The following CDK17 variants were observed in gnomAD, a reference collection of about 807,000 sequenced individuals.
CDK17 encodes cyclin dependent kinase 17.
A neutral mutation model predicts 77.6 loss-of-function variants in CDK17; 24 were observed. The ratio of observed to expected loss-of-function variants is 0.31; its 90% CI spans 0.22 to 0.44. The LOEUF (loss-of-function observed/expected upper bound fraction) is 0.44, where lower values mean the gene tolerates loss of function less well. Ranked by LOEUF, CDK17 falls within the 20% of genes least tolerant of loss-of-function variation. The pLI, the probability that CDK17 is intolerant of heterozygous loss-of-function variation, is 1.00. For synonymous variants in CDK17, 203 were observed against 210.4 expected, an observed-to-expected ratio of 0.96 and a Z score of 0.30; for missense variants, 429 against 622.5, an observed-to-expected ratio of 0.69 and a Z score of 3.31.
intron 12 of CDK17, 34 bp downstream of exon 12, chr12:96,286,630 T>C (rs1371939288): frequency 1.1e-5 from 16 of 1,476,332 alleles, no homozygotes; most frequent in Non-Finnish European, 1.5e-5. Context: ...CAATTATGGG[T>C]GCAAAATCAC....
rs58765838 is a variant in CDK17, at chr12:96,381,365, C to CA, written c.-30+18620dup. Among the ~76,000 whole-genome samples the CA allele has an allele frequency of 5.4e-3, 784 of 144,290 alleles. 3 individuals are homozygous for CA. The highest frequency in any genetic ancestry group is 7.9e-3 in the Non-Finnish European group (519 of 65,556). The allele number at this position is 144,290 out of a possible 152,430, so 94.7% of individuals were successfully genotyped here. A position where few individuals can be genotyped will look rare whatever the true frequency, so the allele number is the denominator to read the frequency against. On this transcript the variant is annotated intron_variant, in intron 1 of 16. Transcript: ENST00000261211. ...CCATGTACAAAACCATTTTTTCCTA[C>CA]AAAAAAAAAAAAAAAAGATGCTCTT...
intron 5 of CDK17, among the ~76,000 whole-genome samples, chr12:96,308,252 A>AAAAAAAG (rs750453479): frequency 3.4e-4 from 49 of 143,566 alleles, no homozygotes; most frequent in Non-Finnish European, 5.4e-4. Flanking sequence ...AAAAAAAAAA[A>AAAAAAAG]GTTTTTTAAT....
chr12:96,371,440 T>C (rs1216626279), intron 1 of CDK17, among the ~76,000 whole-genome samples: 2 of 152,278 alleles, frequency 1.3e-5, no homozygotes, highest in South Asian at 2.1e-4. Context: ...ATCATTTTAA[T>C]AGGAAGAACT....
At chr12:96,327,490 A>G (rs1952906630) in intron 2 of CDK17, among the ~76,000 whole-genome samples, 1 of 152,168 alleles carries the variant, frequency 6.6e-6, no homozygotes, top group African/African-American at 2.4e-5. Flanking sequence ...AGTTTCACAC[A>G]CACTCCTACC....
chr12:96,377,695 G>GTTTT (rs374797342), intron 1 of CDK17, among the ~76,000 whole-genome samples: 1 of 123,862 alleles, frequency 8.1e-6, no homozygotes, highest in African/African-American at 3.1e-5. Context: ...TTTTTTTTTC[G>GTTTT]TTTTTTTTTT....
chr12:96,387,935 C>A (rs1379319727), intron 1 of CDK17, among the ~76,000 whole-genome samples: 1 of 151,768 alleles, frequency 6.6e-6, no homozygotes, highest in East Asian at 1.9e-4. Flanking sequence ...AGAGTAAGAC[C>A]TTTTCTCTAA....
chr12:96,291,628 CTTTTTT>C (rs1164677307), intron 10 of CDK17, among the ~76,000 whole-genome samples: 1 of 117,774 alleles, frequency 8.5e-6, no homozygotes, highest in East Asian at 2.4e-4. Context: ...ATTCCTTTTG[CTTTTTT>C]TTTTTTTTTT....
chr12:96,286,605 T>C (rs1046948028), intron 12 of CDK17, 59 bp downstream of exon 12: 41 of 1,152,222 alleles, frequency 3.6e-5, no homozygotes, highest in Non-Finnish European at 5.2e-5. Flanking sequence ...AGAGATACAG[T>C]CTTATCCAGC....
rs537223250 is a variant in CDK17 at position 96,316,428 on chromosome 12, G to T, written c.284-2974C>A. Among the ~76,000 whole-genome samples the T allele has an allele frequency of 3.2e-3, 466 of 145,302 alleles. 15 individuals are homozygous for T. The highest frequency in any genetic ancestry group is 3.2e-3 in the Non-Finnish European group (209 of 65,714). ...TTGCTTAGGTAAACAAAGCAGCCACGAAGCTCGAACTGGGTGGAGCCCACC... is the reference window on the plus strand; with the variant it reads ...TTGCTTAGGTAAACAAAGCAGCCACTAAGCTCGAACTGGGTGGAGCCCACC... On this transcript the variant is annotated intron_variant, in intron 3 of 16. Transcript: ENST00000261211.
intron 1 of CDK17, among the ~76,000 whole-genome samples, chr12:96,388,700 T>C (rs1265925496): frequency 6.6e-6 from 1 of 152,166 alleles, no homozygotes. Flanking sequence ...TGTTCTTACA[T>C]TGCTATAAAG....
intron 1 of CDK17, among the ~76,000 whole-genome samples, chr12:96,368,743 T>C (rs574263289): frequency 7.1e-6 from 1 of 141,048 alleles, no homozygotes; most frequent in East Asian, 2.2e-4. Flanking sequence ...GGCTCCAGAG[T>C]CTGCCTTAGA....
rs1308554137 is a variant in CDK17, at chr12:96,331,641, T to C, written c.118+3078A>G. Among the ~76,000 whole-genome samples, 5 of 152,340 alleles carry C rather than the reference T, an allele frequency of 3.3e-5. No individual in the cohort carries two copies. In the East Asian group the frequency reaches 5.8e-4, roughly 18 times the overall value. Reference sequence around the variant, plus strand: ...GACTCAGTTATCAAAATAAGAGAGATAATATCTCATTTGGGATATTCTATT... The same window carrying C: ...GACTCAGTTATCAAAATAAGAGAGACAATATCTCATTTGGGATATTCTATT... On this transcript the variant is annotated intron_variant, in intron 2 of 16. Coordinates refer to ENST00000261211, the MANE Select transcript of CDK17 (RefSeq NM_002595.5).
intron 5 of CDK17, among the ~76,000 whole-genome samples, chr12:96,307,518 A>G (rs1228350696): frequency 2.0e-5 from 3 of 152,234 alleles, no homozygotes; most frequent in Admixed American, 2.0e-4. Flanking sequence ...AATCTTTGAT[A>G]AAAACTGATA....
At chr12:96,367,901 G>A (rs1424261457) in intron 1 of CDK17, among the ~76,000 whole-genome samples, 1 of 149,894 alleles carries the variant, frequency 6.7e-6, no homozygotes, top group Non-Finnish European at 1.5e-5. Context: ...GGGATATTCA[G>A]AGAATAATGG....
At chr12:96,300,417 A>T in intron 5 of CDK17, 57 bp from the exon 6 acceptor site, 1 of 993,822 alleles carries the variant, frequency 1.0e-6, no homozygotes. Flanking sequence ...TTTTTGAGAC[A>T]GCATCGTCTC....
At chr12:96,289,021 TC>T in intron 11 of CDK17, 145 bp downstream of exon 11, 2 of 739,668 alleles carry the variant, frequency 2.7e-6, no homozygotes, top group Non-Finnish European at 4.2e-6. Flanking sequence ...GTAATCTAAT[TC>T]CCATGCCAGA....
rs541610644 is a variant in CDK17, at chr12:96,335,444, G to C, written c.-29-579C>G. 1.1e-3 allele frequency among the ~76,000 whole-genome samples: 169 copies of C among 152,272 alleles called. 1 individual carries two copies. The highest frequency in any genetic ancestry group is 1.4e-3 in the Non-Finnish European group (94 of 68,010). On this transcript the variant is annotated intron_variant, in intron 1 of 16. Transcript: ENST00000261211. ...TAAGAGAACCAAGCTTTAGAAGGAAGAAACGAAAGCCAAATTAGCGGGTAC... is the reference window on the plus strand; with the variant it reads ...TAAGAGAACCAAGCTTTAGAAGGAACAAACGAAAGCCAAATTAGCGGGTAC...
intron 3 of CDK17, among the ~76,000 whole-genome samples, chr12:96,313,850 CT>C (rs1299863824): frequency 6.6e-6 from 1 of 151,956 alleles, no homozygotes; most frequent in African/African-American, 2.4e-5. Context: ...ACCTGGTCAT[CT>C]GCCTCTTATT....
intron 1 of CDK17, among the ~76,000 whole-genome samples, chr12:96,371,633 G>A (rs977988253): frequency 1.3e-5 from 2 of 152,082 alleles, no homozygotes; most frequent in Admixed American, 6.5e-5. Flanking sequence ...TCAGGAGGCT[G>A]AGGCAGCAGA....
Sources: gnomAD v4.1 joint callset for allele counts (sites outside exome capture counted in the v4.1 genomes callset) on GRCh38, gnomAD v4.1.1 for gene constraint, MANE v1.5 for transcripts, NCBI Gene and HGNC (gene_info 2026-07-23, HGNC 2026-07-21) for gene names.